C1orf21: variants seen among roughly 807,000 people sequenced by gnomAD.
C1orf21 encodes chromosome 1 open reading frame 21, also known as uncharacterized protein C1orf21.
Under a neutral mutation model 18.7 loss-of-function variants are expected in C1orf21, and 3 were observed. The observed-to-expected ratio is 0.16, with a 90% CI of 0.07 to 0.42. C1orf21 has a LOEUF of 0.42. Among genes scored for constraint, C1orf21 ranks in the 10% least tolerant of loss-of-function variants. C1orf21 has a pLI of 0.99. For synonymous variants in C1orf21, 41 were observed against 46.4 expected, an observed-to-expected ratio of 0.88 and a Z score of 0.47; for missense variants, 104 against 143.6, an observed-to-expected ratio of 0.72 and a Z score of 1.41.
rs1287766848 is a variant in C1orf21 at position 184,625,066 on chromosome 1, T to G, written c.*5510T>G. ...TGATGTGGGAAATGGCCCTTACAACTTGGGAACCACAGAAATTGCTGTATT... is the reference window on the plus strand; with the variant it reads ...TGATGTGGGAAATGGCCCTTACAACGTGGGAACCACAGAAATTGCTGTATT... On this transcript the variant is annotated 3_prime_UTR_variant, in exon 6 of 6. Transcript: ENST00000235307. The G allele has an allele frequency of 1.3e-5, 2 of 152,212 alleles. No individual in the cohort carries two copies. Among genetic ancestry groups the G allele is most frequent in the African/African-American group, 4.8e-5 (2 of 41,444 alleles). The allele number at this position is 152,212 out of a possible 1,614,324, so 9.4% of individuals were successfully genotyped here. A position where few individuals can be genotyped will look rare whatever the true frequency, so the allele number is the denominator to read the frequency against.
chr1:184,580,897 A>G (rs1343744381), intron 3 of C1orf21, among the ~76,000 whole-genome samples: 2 of 152,218 alleles, frequency 1.3e-5, no homozygotes, highest in Admixed American at 1.3e-4. Flanking sequence ...CACGTTTTCC[A>G]TGAACTTTTT....
chr1:184,560,357 T>C (rs963916583), intron 3 of C1orf21, among the ~76,000 whole-genome samples: 1 of 152,116 alleles, frequency 6.6e-6, no homozygotes, highest in African/African-American at 2.4e-5. Context: ...CGTAAGATCT[T>C]TGCAAACCTA....
At chr1:184,410,126 G>A (rs1656309069) in intron 1 of C1orf21, among the ~76,000 whole-genome samples, 1 of 151,858 alleles carries the variant, frequency 6.6e-6, no homozygotes, top group Non-Finnish European at 1.5e-5. Flanking sequence ...TCTGGCCAAA[G>A]AAAAAAAGAA....
intron 1 of C1orf21, among the ~76,000 whole-genome samples, chr1:184,435,040 G>A (rs1181423875): frequency 6.6e-6 from 1 of 152,188 alleles, no homozygotes; most frequent in Non-Finnish European, 1.5e-5. Flanking sequence ...GATCAGGTTT[G>A]GAGCAATAGA....
intron 3 of C1orf21, among the ~76,000 whole-genome samples, chr1:184,535,341 C>T (rs531372652): frequency 2.0e-5 from 3 of 152,204 alleles, no homozygotes; most frequent in Admixed American, 6.5e-5. Context: ...AACAGGAAGT[C>T]GCTAAGTAGA....
intron 5 of C1orf21, among the ~76,000 whole-genome samples, chr1:184,613,257 G>A (rs764405473): frequency 6.6e-6 from 1 of 152,188 alleles, no homozygotes; most frequent in African/African-American, 2.4e-5. Flanking sequence ...AGTTAGGTAC[G>A]TATGTGTAGG....
At chr1:184,450,467 T>G (rs1345817479) in intron 1 of C1orf21, among the ~76,000 whole-genome samples, 1 of 152,178 alleles carries the variant, frequency 6.6e-6, no homozygotes, top group Non-Finnish European at 1.5e-5. Flanking sequence ...TCAACAATGC[T>G]TTTAATAGGA....
At chr1:184,418,717 A>G (rs531887840) in intron 1 of C1orf21, among the ~76,000 whole-genome samples, 29 of 152,288 alleles carry the variant, frequency 1.9e-4, no homozygotes, top group African/African-American at 6.7e-4. Context: ...TTTAATGTCA[A>G]TATCCTCAGG....
At position 184,603,110 on chromosome 1, in the gene C1orf21, T is replaced by G. The variant is rs1659606299; in HGVS notation, c.327+4649T>G. 2.0e-5 allele frequency among the ~76,000 whole-genome samples: 3 copies of G among 152,218 alleles called. No homozygotes were observed. The South Asian group carries it at 6.2e-4, about 31-fold the overall frequency. On this transcript the variant is annotated intron_variant, in intron 5 of 5. Coordinates refer to ENST00000235307, the MANE Select transcript of C1orf21 (RefSeq NM_030806.4). ...TTTAAGACTCCATGGAGCCTGGCCATGGGCCCCAGGCAAAGAAACTTTGGA... is the reference window on the plus strand; with the variant it reads ...TTTAAGACTCCATGGAGCCTGGCCAGGGGCCCCAGGCAAAGAAACTTTGGA...
At chr1:184,507,741 T>C (rs986709749) in intron 3 of C1orf21, 59 bp downstream of exon 3, 4 of 1,339,958 alleles carry the variant, frequency 3.0e-6, no homozygotes, top group Non-Finnish European at 3.1e-6. Context: ...TAATAAAATC[T>C]GCACTGCATG....
intron 1 of C1orf21, among the ~76,000 whole-genome samples, chr1:184,414,126 A>C (rs959543511): frequency 2.0e-5 from 3 of 152,138 alleles, no homozygotes; most frequent in Non-Finnish European, 4.4e-5. Flanking sequence ...CAATAAATGC[A>C]TGTTGAATTA....
chr1:184,504,176 C>G (rs753728803), intron 2 of C1orf21, among the ~76,000 whole-genome samples: 10 of 152,134 alleles, frequency 6.6e-5, no homozygotes, highest in Admixed American at 2.0e-4. Context: ...TGTTTACATG[C>G]AGAGAACAGG....
chr1:184,392,344 G>A (rs1487281306), intron 1 of C1orf21, among the ~76,000 whole-genome samples: 1 of 152,180 alleles, frequency 6.6e-6, no homozygotes, highest in African/African-American at 2.4e-5. Flanking sequence ...TAGATTCACT[G>A]CTGCTCCCTC....
intron 2 of C1orf21, among the ~76,000 whole-genome samples, chr1:184,497,953 C>T (rs558405322): frequency 7.0e-4 from 107 of 152,294 alleles, no homozygotes; most frequent in Non-Finnish European, 1.1e-3. Flanking sequence ...TTTCATCTGT[C>T]TCTCTTCTAC....
At chr1:184,591,589 G>A (rs928837647) in intron 4 of C1orf21, among the ~76,000 whole-genome samples, 8 of 152,226 alleles carry the variant, frequency 5.3e-5, no homozygotes, top group South Asian at 2.1e-4. Flanking sequence ...GGAGGATCAC[G>A]AGGTCAGGAG....
intron 3 of C1orf21, among the ~76,000 whole-genome samples, chr1:184,528,987 G>T (rs1658417969): frequency 6.6e-6 from 1 of 151,980 alleles, no homozygotes; most frequent in Non-Finnish European, 1.5e-5. Context: ...GACATATATT[G>T]CCTGGTGCCT....
intron 1 of C1orf21, among the ~76,000 whole-genome samples, chr1:184,455,036 G>T (rs895556464): frequency 6.6e-6 from 1 of 152,032 alleles, no homozygotes; most frequent in African/African-American, 2.4e-5. Context: ...GGGGCAGGGG[G>T]GACAATCAAT....
intron 1 of C1orf21, among the ~76,000 whole-genome samples, chr1:184,447,150 C>G (rs1278526241): frequency 6.6e-6 from 1 of 152,126 alleles, no homozygotes; most frequent in Non-Finnish European, 1.5e-5. Context: ...GTTTCTTCTT[C>G]TGTGTGCTCT....
chr1:184,594,046 T>G (rs1403325943), intron 4 of C1orf21, among the ~76,000 whole-genome samples: 1 of 152,134 alleles, frequency 6.6e-6, no homozygotes, highest in African/African-American at 2.4e-5. Flanking sequence ...TCACATGGAG[T>G]CAGCTATGGG....
Sources: allele counts gnomAD v4.1 joint callset (sites outside exome capture counted in the v4.1 genomes callset), GRCh38; gene constraint gnomAD v4.1.1; transcripts MANE v1.5; gene names NCBI Gene and HGNC (gene_info 2026-07-23, HGNC 2026-07-21).